Variants in LDLRAD2 observed in about 807,000 individuals in gnomAD.
LDLRAD2 encodes the protein low density lipoprotein receptor class A domain containing 2.
In LDLRAD2, 25 loss-of-function variants were observed where a neutral mutation model predicts 24.9. That is an observed-to-expected ratio of 1.00 (90% CI 0.73 to 1.40). LDLRAD2 has a LOEUF of 1.40. LDLRAD2 is among the 40% of genes most tolerant of loss of function. The probability of loss-of-function intolerance (pLI) is 0.00; values close to 1 mark genes in which losing one functional copy is unlikely to be tolerated. For missense variants in LDLRAD2, 391 were observed against 366.2 expected, an observed-to-expected ratio of 1.07 and a Z score of -0.55; for synonymous variants, 182 against 166.7, an observed-to-expected ratio of 1.09 and a Z score of -0.71.
chr1:21,820,218 G>T (rs1362224187), intron 3 of LDLRAD2, among the ~76,000 whole-genome samples: 1 of 152,196 alleles, frequency 6.6e-6, no homozygotes, highest in Non-Finnish European at 1.5e-5. Context: ...AATGGTAAAC[G>T]TTATGTGCTT....
chr1:21,823,982 C>T lies in LDLRAD2; in HGVS notation c.*1767C>T. 1.1e-6 allele frequency: 1 copy of T among 908,516 alleles called. No homozygotes were observed. 56.3% of individuals were successfully genotyped at this position (908,516 alleles called of 1,614,324 possible). ...TCCGAGATGGAAGCCCGAGCCCTGGCTGGTGGGTTCTCCCCTCCCCTGGCT... is the reference window on the plus strand; with the variant it reads ...TCCGAGATGGAAGCCCGAGCCCTGGTTGGTGGGTTCTCCCCTCCCCTGGCT... On this transcript the variant is annotated 3_prime_UTR_variant, in exon 5 of 5. Transcript: ENST00000344642.
rs1322450902 is a variant in LDLRAD2, at chr1:21,821,629, C to T, written c.805+18C>T. On this transcript the variant is annotated intron_variant, in intron 4 of 4. Transcript: ENST00000344642. ...TTTGGAAGGTTACACCTTGCTCCTACTCTTCCCACCAAAATCATACCTGTC... is the reference window on the plus strand; with the variant it reads ...TTTGGAAGGTTACACCTTGCTCCTATTCTTCCCACCAAAATCATACCTGTC... The T allele has an allele frequency of 2.5e-6, 4 of 1,610,520 alleles. No homozygotes were observed. The highest frequency in any genetic ancestry group is 3.4e-6 in the Non-Finnish European group (4 of 1,177,282).
At position 21,823,066 on chromosome 1, in the gene LDLRAD2, G is replaced by A; in HGVS notation, c.*851G>A. 2.4e-6 allele frequency: 1 copy of A among 410,750 alleles called. No homozygotes were observed. The highest frequency in any genetic ancestry group is 4.3e-6 in the Non-Finnish European group (1 of 233,130). 25.4% of individuals were successfully genotyped at this position (410,750 alleles called of 1,614,324 possible). A position where few individuals can be genotyped will look rare whatever the true frequency, so the allele number is the denominator to read the frequency against. Reference sequence around the variant, plus strand: ...CTGGGCCCACCCAGCCACTGTTCCTGACCCCAAGTCCTGGTGACTTTCTGA... The same window carrying A: ...CTGGGCCCACCCAGCCACTGTTCCTAACCCCAAGTCCTGGTGACTTTCTGA... On this transcript the variant is annotated 3_prime_UTR_variant, in exon 5 of 5. Coordinates refer to ENST00000344642, the MANE Select transcript of LDLRAD2 (RefSeq NM_001013693.3).
At chr1:21,814,166 G>C (rs1027051931) in intron 1 of LDLRAD2, among the ~76,000 whole-genome samples, 1 of 152,066 alleles carries the variant, frequency 6.6e-6, no homozygotes, top group African/African-American at 2.4e-5. Flanking sequence ...CACTGCGCTC[G>C]GCCCCGCATC....
chr1:21,812,509 G>T lies in LDLRAD2; in HGVS notation c.58G>T (p.Ala20Ser). 1 of 1,614,090 alleles carries T rather than the reference G, an allele frequency of 6.2e-7. No individual in the cohort carries two copies. The highest frequency in any genetic ancestry group is 8.5e-7 in the Non-Finnish European group (1 of 1,179,972). Residue 20 changes from alanine (A) to serine (S), a missense_variant, in exon 1 of 5, where the codon GCC (alanine) becomes TCC (serine). Physicochemically the swap from Ala to Ser is moderately conservative, Grantham distance 99. Coordinates refer to ENST00000344642, the MANE Select transcript of LDLRAD2 (RefSeq NM_001013693.3). Reference protein sequence around the residue: ...PQRLLLLGAAALTATALETAD... With the variant: ...PQRLLLLGAASLTATALETAD... ...AAGGTTGCTCTTGCTGGGGGCAGCC[G>T]CCCTGACTGCAACTGCTTTGGAGAC...
At chr1:21,818,038 A>G (rs1489474114) in intron 3 of LDLRAD2, among the ~76,000 whole-genome samples, 3 of 150,900 alleles carry the variant, frequency 2.0e-5, no homozygotes, top group Non-Finnish European at 2.9e-5. Context: ...CACCACGCTC[A>G]GCTAATTTTT....
intron 3 of LDLRAD2, among the ~76,000 whole-genome samples, chr1:21,816,410 C>T (rs2097944040): frequency 6.6e-6 from 1 of 152,218 alleles, no homozygotes; most frequent in Non-Finnish European, 1.5e-5. Context: ...TCTGAGGGCC[C>T]TGAGTGTCAC....
At chr1:21,819,463 A>C (rs1202879372) in intron 3 of LDLRAD2, among the ~76,000 whole-genome samples, 2 of 151,962 alleles carry the variant, frequency 1.3e-5, no homozygotes, top group Admixed American at 1.3e-4. Flanking sequence ...GAGACAATTA[A>C]ACCTCTTTTC....
chr1:21,817,159 C>T (rs1480882956), intron 3 of LDLRAD2, among the ~76,000 whole-genome samples: 2 of 152,060 alleles, frequency 1.3e-5, no homozygotes, highest in Non-Finnish European at 2.9e-5. Context: ...TGAAAGCTCT[C>T]CAGACTCTGA....
rs930549980 is a variant in LDLRAD2, at chr1:21,823,845, T to G, written c.*1630T>G. 1.2e-6 allele frequency: 1 copy of G among 810,736 alleles called. No individual in the cohort carries two copies. Among genetic ancestry groups the G allele is most frequent in the Non-Finnish European group, 2.1e-6 (1 of 482,806 alleles). The allele number at this position is 810,736 out of a possible 1,614,324, so 50.2% of individuals were successfully genotyped here. A position where few individuals can be genotyped will look rare whatever the true frequency, so the allele number is the denominator to read the frequency against. On this transcript the variant is annotated 3_prime_UTR_variant, in exon 5 of 5. Transcript: ENST00000344642. ...AAGTCTGTCCCTGTTTCCCAAGCTCTTTCTTTCCCCCGCTGAACGAGAGAT... is the reference window on the plus strand; with the variant it reads ...AAGTCTGTCCCTGTTTCCCAAGCTCGTTCTTTCCCCCGCTGAACGAGAGAT...
rs1478002444 is a variant in LDLRAD2 at position 21,823,499 on chromosome 1, G to A, written c.*1284G>A. On this transcript the variant is annotated 3_prime_UTR_variant, in exon 5 of 5. Transcript: ENST00000344642. Reference sequence around the variant, plus strand: ...CGTCAGGGGCTCCGCCTGCCGGGAGGTGAGAGGACAGGGCCTGTGGGCTCC... The same window carrying A: ...CGTCAGGGGCTCCGCCTGCCGGGAGATGAGAGGACAGGGCCTGTGGGCTCC... 3 of 1,605,984 alleles carry A rather than the reference G, an allele frequency of 1.9e-6. No individual in the cohort carries two copies. The highest frequency in any genetic ancestry group is 1.1e-5 in the South Asian group (1 of 90,760).
chr1:21,822,401 G>C lies in LDLRAD2; in HGVS notation c.*186G>C. The C allele has an allele frequency of 1.6e-6, 1 of 632,520 alleles. No individual in the cohort carries two copies. The highest frequency in any genetic ancestry group is 2.8e-6 in the Non-Finnish European group (1 of 353,732). 39.2% of individuals were successfully genotyped at this position (632,520 alleles called of 1,614,324 possible). A position where few individuals can be genotyped will look rare whatever the true frequency, so the allele number is the denominator to read the frequency against. ...CTTCAGGCTCCTGCAGATGGGGCAG[G>C]GTGGTCATATCCCCCTCCTCTCTCT... On this transcript the variant is annotated 3_prime_UTR_variant, in exon 5 of 5. Transcript: ENST00000344642.
rs775023536 is a variant in LDLRAD2, at chr1:21,824,105, C to T, written c.*1890C>T. 1.5e-5 allele frequency: 24 copies of T among 1,609,824 alleles called. No homozygotes were observed. The highest frequency in any genetic ancestry group is 5.3e-5 in the African/African-American group (4 of 74,890). On this transcript the variant is annotated 3_prime_UTR_variant, in exon 5 of 5. Transcript: ENST00000344642. The surrounding 1 kb of genome is among the most constrained non-coding windows in gnomAD (Gnocchi z 5.9). Reference sequence around the variant, plus strand: ...AACGCTGGGCCCCATCCCGAGTGCCCGGCAGGGTCCCTTACCGCAGTGCTG... The same window carrying T: ...AACGCTGGGCCCCATCCCGAGTGCCTGGCAGGGTCCCTTACCGCAGTGCTG...
Position 21,824,235 on chromosome 1 carries a change from C to T in LDLRAD2, c.*2020C>T. ...GTCATCCAGGCCCAAGAAGTATGAG[C>T]TGGGGCAGGACCGGGGGGTGGGGTG... is the stretch of plus-strand genomic sequence containing the variant. On this transcript the variant is annotated 3_prime_UTR_variant, in exon 5 of 5. Transcript: ENST00000344642. The surrounding 1 kb of genome is among the most constrained non-coding windows in gnomAD (Gnocchi z 5.9). The T allele has an allele frequency of 1.9e-6, 3 of 1,613,542 alleles. No homozygotes were observed. Among genetic ancestry groups the T allele is most frequent in the Non-Finnish European group, 2.5e-6 (3 of 1,179,772 alleles).
intron 3 of LDLRAD2, among the ~76,000 whole-genome samples, chr1:21,816,303 G>A (rs1053611205): frequency 1.2e-4 from 19 of 152,342 alleles, no homozygotes; most frequent in African/African-American, 4.6e-4. Context: ...GGAAACTTTT[G>A]CTAAATGGGA....
At chr1:21,814,344 A>G (rs865952116) in intron 1 of LDLRAD2, 54 bp from the exon 2 acceptor site, 6 of 1,446,228 alleles carry the variant, frequency 4.1e-6, no homozygotes, top group Middle Eastern at 3.6e-4. Flanking sequence ...CAGGGGACAG[A>G]GTAGAGTTCG....
At chr1:21,821,953 G>C in intron 4 of LDLRAD2, 6 of 1,422,004 alleles carry the variant, frequency 4.2e-6, no homozygotes, top group Middle Eastern at 2.6e-4. Flanking sequence ...GGATCAGGGA[G>C]GCCATCCCTA....
chr1:21,821,351 G>C, intron 3 of LDLRAD2, 99 bp from the exon 4 acceptor site: 2 of 1,489,080 alleles, frequency 1.3e-6, no homozygotes, highest in Admixed American at 3.7e-5. Flanking sequence ...GAAACACAGA[G>C]TGACAAACTC....
chr1:21,814,106 G>C (rs1393864888), intron 1 of LDLRAD2, among the ~76,000 whole-genome samples: 1 of 152,138 alleles, frequency 6.6e-6, no homozygotes, highest in Non-Finnish European at 1.5e-5. Flanking sequence ...CCTGACCTCA[G>C]GTGATCCACC....
Sources: gnomAD v4.1 joint callset for allele counts (sites outside exome capture counted in the v4.1 genomes callset) on GRCh38, gnomAD v4.1.1 for gene constraint, Gnocchi (gnomAD v3.1) non-coding constraint, MANE v1.5 for transcripts, NCBI Gene and HGNC (gene_info 2026-07-23, HGNC 2026-07-21) for gene names.